The following PLXNC1 variants were observed in gnomAD, a reference collection of about 807,000 sequenced individuals.
PLXNC1 encodes plexin-C1.
PLXNC1 carries 75 observed loss-of-function variants against 178.2 expected under a neutral mutation model. The ratio of observed to expected loss-of-function variants is 0.42; its 90% CI spans 0.35 to 0.51. The LOEUF (loss-of-function observed/expected upper bound fraction) is 0.51, where lower values mean the gene tolerates loss of function less well. PLXNC1 is among the 20% of genes least tolerant of loss of function. PLXNC1 has a pLI of 0.02. For synonymous variants in PLXNC1, 790 were observed against 779.9 expected, an observed-to-expected ratio of 1.01 and a Z score of -0.22; for missense variants, 1,503 against 1,984.4, an observed-to-expected ratio of 0.76 and a Z score of 4.61.
At chr12:94,151,364 T>C (rs1960955559) in intron 1 of PLXNC1, among the ~76,000 whole-genome samples, 1 of 152,130 alleles carries the variant, frequency 6.6e-6, no homozygotes, top group African/African-American at 2.4e-5. Context: ...CTTAGAACGG[T>C]CACTTGCTGC....
chr12:94,180,964 T>C (rs558918203), intron 2 of PLXNC1, among the ~76,000 whole-genome samples: 6 of 152,326 alleles, frequency 3.9e-5, no homozygotes, highest in African/African-American at 1.4e-4. Flanking sequence ...AGAAATATTA[T>C]GCTTGTTATT....
At chr12:94,181,396 A>AG in intron 2 of PLXNC1, 50 bp from the exon 3 acceptor site, 1 of 1,306,348 alleles carries the variant, frequency 7.7e-7, no homozygotes, top group East Asian at 2.4e-5. Flanking sequence ...CAAAAAAAAA[A>AG]AAAAGTATTA....
intron 4 of PLXNC1, among the ~76,000 whole-genome samples, chr12:94,197,434 C>CCCCTCTCT (rs1555198019): frequency 5.7e-4 from 6 of 10,566 alleles, no homozygotes; most frequent in Middle Eastern, 0.062. Context: ...ACATTAGGCC[C>CCCCTCTCT]CTTTCTCTCT....
intron 2 of PLXNC1, among the ~76,000 whole-genome samples, chr12:94,180,500 A>G (rs1200123014): frequency 6.6e-6 from 1 of 152,240 alleles, no homozygotes; most frequent in African/African-American, 2.4e-5. Context: ...CTATGAGGTC[A>G]GGAGCTCTCC....
At position 94,149,546 on chromosome 12, in the gene PLXNC1, G is replaced by A; in HGVS notation, c.575G>A (p.Ser192Asn). ...TYVLPEPETA[S>N]RCNPAASDHD... ...GTGCTGCCTGAGCCGGAGACGGCGA[G>A]CCGCTGCAACCCCGCGGCATCCGAC... The change falls in exon 1 of 31, where the codon AGC becomes AAC. Residue 192 changes from serine to asparagine, a missense_variant. Physicochemically the swap from Ser to Asn is conservative, Grantham distance 46. Coordinates refer to ENST00000258526, the MANE Select transcript of PLXNC1 (RefSeq NM_005761.3). 2 of 1,552,628 alleles carry A rather than the reference G, an allele frequency of 1.3e-6. No homozygotes were observed. The highest frequency in any genetic ancestry group is 1.7e-6 in the Non-Finnish European group (2 of 1,154,128).
At position 94,297,382 on chromosome 12, in the gene PLXNC1, A is replaced by C; in HGVS notation, c.4033A>C (p.Lys1345Gln). 6.2e-7 allele frequency: 1 copy of C among 1,613,932 alleles called. No homozygotes were observed. Among genetic ancestry groups the C allele is most frequent in the South Asian group, 1.1e-5 (1 of 91,068 alleles). Residue 1345 changes from lysine to glutamine, a missense_variant, in exon 26 of 31, where the codon AAA becomes CAA. Physicochemically the swap from Lys to Gln is moderately conservative, Grantham distance 53. Around this residue, in one of 4 missense-constraint regions of PLXNC1, gnomAD observed 639 missense variants for 979.7 expected, o/e 0.65. Coordinates refer to ENST00000258526, the MANE Select transcript of PLXNC1 (RefSeq NM_005761.3). Reference protein sequence around the residue: ...GKRHRGKHKFKVKEMYLTKLL... With the variant: ...GKRHRGKHKFQVKEMYLTKLL... Reference sequence around the variant, plus strand: ...GAGACATCGAGGGAAGCACAAGTTCAAAGTAAAAGAAATGTATCTGACAAA... The same window carrying C: ...GAGACATCGAGGGAAGCACAAGTTCCAAGTAAAAGAAATGTATCTGACAAA...
intron 23 of PLXNC1, 142 bp from the exon 24 acceptor site, chr12:94,294,344 G>A (rs1967687588): frequency 1.8e-6 from 1 of 551,154 alleles, no homozygotes. Context: ...CCAGCACAGT[G>A]CCCAGAACAT....
chr12:94,202,727 A>T (rs1304986938), intron 4 of PLXNC1, among the ~76,000 whole-genome samples: 1 of 152,212 alleles, frequency 6.6e-6, no homozygotes, highest in African/African-American at 2.4e-5. Context: ...TCCACGAGGC[A>T]CTATGGAATA....
chr12:94,173,766 C>G (rs555108330), intron 2 of PLXNC1, among the ~76,000 whole-genome samples: 2 of 152,076 alleles, frequency 1.3e-5, no homozygotes, highest in Non-Finnish European at 2.9e-5. Flanking sequence ...GGGTTGATAC[C>G]AAGATGCAGA....
chr12:94,260,509 T>TAAA lies in PLXNC1; in HGVS notation c.3252-117_3252-115dup, dbSNP rs376806060. On this transcript the variant is annotated intron_variant, in intron 19 of 30. Coordinates refer to ENST00000258526, the MANE Select transcript of PLXNC1 (RefSeq NM_005761.3). This position sits in a 1 kb window ranked among gnomAD's most constrained non-coding sequence, Gnocchi z 4.4. ...ATAGAAGTGGTTAGAATCTAAACAT[T>TAAA]AAAAAAAAAAAAAAAAAAGCTCCCA... 3.1e-5 allele frequency: 15 copies of TAAA among 485,270 alleles called. No homozygotes were observed. The highest frequency in any genetic ancestry group is 8.5e-5 in the South Asian group (3 of 35,356). The allele number at this position is 485,270 out of a possible 1,614,324, so 30.1% of individuals were successfully genotyped here. A position where few individuals can be genotyped will look rare whatever the true frequency, so the allele number is the denominator to read the frequency against.
chr12:94,160,072 G>A (rs1961322003), intron 1 of PLXNC1, among the ~76,000 whole-genome samples: 1 of 152,126 alleles, frequency 6.6e-6, no homozygotes, highest in African/African-American at 2.4e-5. Context: ...GCTAAGTAGG[G>A]AGTTGGCAAT....
intron 4 of PLXNC1, among the ~76,000 whole-genome samples, chr12:94,206,170 G>T (rs561280585): frequency 6.6e-6 from 1 of 152,066 alleles, no homozygotes; most frequent in Non-Finnish European, 1.5e-5. Flanking sequence ...TGTATATAAA[G>T]ACTTTCTAAG....
At chr12:94,187,969 G>A (rs1344618907) in intron 4 of PLXNC1, among the ~76,000 whole-genome samples, 2 of 151,982 alleles carry the variant, frequency 1.3e-5, no homozygotes, top group Non-Finnish European at 2.9e-5. Flanking sequence ...AGAAGGAGGG[G>A]AAACAGAACA....
intron 4 of PLXNC1, among the ~76,000 whole-genome samples, chr12:94,192,155 A>G (rs1323681968): frequency 1.3e-5 from 2 of 152,218 alleles, no homozygotes; most frequent in Non-Finnish European, 2.9e-5. Context: ...AAAATTATTT[A>G]ATTTCAACAA....
chr12:94,167,947 G>C (rs1027222246), intron 1 of PLXNC1: 23 of 152,158 alleles, frequency 1.5e-4, no homozygotes, highest in African/African-American at 5.3e-4. Context: ...CACTTTAAAG[G>C]CTTCAGAAAT....
chr12:94,185,926 T>G (rs547139020), intron 3 of PLXNC1: 73 of 166,684 alleles, frequency 4.4e-4, no homozygotes, highest in African/African-American at 1.7e-3. Context: ...GAAACCCAAC[T>G]GGGTGTCAGA....
chr12:94,163,348 ACT>A (rs1332015041), intron 1 of PLXNC1, among the ~76,000 whole-genome samples: 1 of 151,998 alleles, frequency 6.6e-6, no homozygotes, highest in East Asian at 1.9e-4. Flanking sequence ...ACACAGTGAG[ACT>A]CTGTCTCAAA....
chr12:94,151,804 A>G (rs1280355197), intron 1 of PLXNC1, among the ~76,000 whole-genome samples: 2 of 152,226 alleles, frequency 1.3e-5, no homozygotes, highest in Non-Finnish European at 2.9e-5. Context: ...TGGAAGACTC[A>G]GTTCCCTTCC....
chr12:94,265,561 T>G (rs897605258), intron 21 of PLXNC1, among the ~76,000 whole-genome samples: 3 of 152,204 alleles, frequency 2.0e-5, no homozygotes, highest in African/African-American at 7.2e-5. Context: ...TCAGAATTTC[T>G]CAAATGGCTC....
Sources: allele counts gnomAD v4.1 joint callset (sites outside exome capture counted in the v4.1 genomes callset), GRCh38; gene constraint gnomAD v4.1.1; regional missense constraint gnomAD v4.1.1; non-coding constraint Gnocchi (gnomAD v3.1); transcripts MANE v1.5; gene names NCBI Gene and HGNC (gene_info 2026-07-23, HGNC 2026-07-21).